ZNF415: variants seen among roughly 807,000 people sequenced by gnomAD.
ZNF415 encodes the protein zinc finger protein 415.
ZNF415 carries 5 observed loss-of-function variants against 7.3 expected under a neutral mutation model. The ratio of observed to expected loss-of-function variants is 0.69; its 90% CI spans 0.36 to 1.44. The LOEUF (loss-of-function observed/expected upper bound fraction) is 1.44, where lower values mean the gene tolerates loss of function less well. Ranked by LOEUF, ZNF415 falls within the 40% of genes most tolerant of loss-of-function variation. The pLI is 0.04. For missense variants in ZNF415, 628 were observed against 664.8 expected (o/e 0.94, Z 0.61); for synonymous variants, 207 against 226.3 (o/e 0.91, Z 0.77).
At chr19:53,120,700 C>A (rs1247037645) in intron 2 of ZNF415, among the ~76,000 whole-genome samples, 18 of 152,104 alleles carry the variant, frequency 1.2e-4, no homozygotes, top group Admixed American at 1.2e-3. Context: ...GATGTCTGAG[C>A]AAAACTGTTA....
chr19:53,111,273 A>C (rs1184570771), intron 3 of ZNF415, among the ~76,000 whole-genome samples: 2 of 149,176 alleles, frequency 1.3e-5, no homozygotes, highest in East Asian at 4.0e-4. Context: ...CTTAATTTTG[A>C]CTTCCCAGCT....
chr19:53,131,615 A>C, intron 1 of ZNF415, among the ~76,000 whole-genome samples: 1 of 147,900 alleles, frequency 6.8e-6, no homozygotes, highest in African/African-American at 2.5e-5. Flanking sequence ...CTTCCCCTTT[A>C]TTTTCTCCCT....
chr19:53,131,959 C>G (rs1228210346), intron 1 of ZNF415, among the ~76,000 whole-genome samples: 6 of 151,998 alleles, frequency 3.9e-5, no homozygotes. Context: ...GCCCTGTCTG[C>G]CCTGGCTCCA....
At chr19:53,130,788 G>A (rs2089966892) in intron 1 of ZNF415, among the ~76,000 whole-genome samples, 1 of 152,030 alleles carries the variant, frequency 6.6e-6, no homozygotes, top group African/African-American at 2.4e-5. Context: ...TGGGATTACA[G>A]ATGCGTGTCA....
At chr19:53,119,736 C>T (rs1283377675) in intron 2 of ZNF415, among the ~76,000 whole-genome samples, 1 of 151,638 alleles carries the variant, frequency 6.6e-6, no homozygotes, top group Admixed American at 6.6e-5. Flanking sequence ...CAACTGATAA[C>T]ACAGAAATAT....
intron 3 of ZNF415, among the ~76,000 whole-genome samples, chr19:53,111,574 C>T (rs997165548): frequency 6.6e-6 from 1 of 151,910 alleles, no homozygotes; most frequent in Non-Finnish European, 1.5e-5. Flanking sequence ...AACTTCTGAC[C>T]TCAGGTGATC....
chr19:53,117,595 G>GA (rs956451426), intron 2 of ZNF415, among the ~76,000 whole-genome samples: 12 of 150,686 alleles, frequency 8.0e-5, no homozygotes, highest in South Asian at 2.1e-4. Context: ...TGTGCTGAAA[G>GA]AAAAAAAAAC....
rs760605908 is a variant in ZNF415 at position 53,109,442 on chromosome 19, T to C, written c.603A>G (p.Ser201=). 1.2e-6 allele frequency: 2 copies of C among 1,614,104 alleles called. No individual in the cohort carries two copies. The highest frequency in any genetic ancestry group is 1.7e-6 in the Non-Finnish European group (2 of 1,179,958). Residue 201 remains serine (S), a synonymous_variant, in exon 4 of 4, where the codon TCA becomes TCG. Transcript: ENST00000243643. ...NKYGTDFICS[S]LLTQEQKSCI... is the part of the protein sequence containing the mutation. ...ATGATTTCTGTTCTTGTGTGAGTAA[T>C]GAAGAACAGATGAAATCAGTCCCAT...
chr19:53,118,859 A>T lies in ZNF415; in HGVS notation c.16-2426T>A, dbSNP rs147033154. ...ACTTGGAAAAAGTAGAAAAATTTCA[A>T]ATAAGCCAGGCACGGTGGCTCACTC... On this transcript the variant is annotated intron_variant, in intron 2 of 3. Transcript: ENST00000243643. Among the ~76,000 whole-genome samples, 250 of 152,318 alleles carry T rather than the reference A, an allele frequency of 1.6e-3. 1 individual carries two copies. Among genetic ancestry groups the T allele is most frequent in the Non-Finnish European group, 2.6e-3 (176 of 68,010 alleles).
At chr19:53,129,204 T>G (rs8108835) in intron 1 of ZNF415, among the ~76,000 whole-genome samples, 41,919 of 151,860 alleles carry the variant, frequency 0.28, 5,849 homozygotes, top group Non-Finnish European at 0.3. Context: ...ATGTGACTGG[T>G]GCAGAGGGAG....
At chr19:53,119,592 T>C (rs1460899669) in intron 2 of ZNF415, among the ~76,000 whole-genome samples, 2 of 149,210 alleles carry the variant, frequency 1.3e-5, no homozygotes, top group African/African-American at 2.5e-5. Flanking sequence ...AAATAAATAC[T>C]ACAAAAACAC....
rs2085660190 is a variant in ZNF415, at chr19:53,108,137, C to G, written c.*240G>C. 2.0e-6 allele frequency: 1 copy of G among 505,730 alleles called. No individual in the cohort carries two copies. Among genetic ancestry groups the G allele is most frequent in the Non-Finnish European group, 3.4e-6 (1 of 290,428 alleles). The allele number at this position is 505,730 out of a possible 1,614,324, so 31.3% of individuals were successfully genotyped here. A position where few individuals can be genotyped will look rare whatever the true frequency, so the allele number is the denominator to read the frequency against. On this transcript the variant is annotated 3_prime_UTR_variant, in exon 4 of 4. Transcript: ENST00000243643. ...AGACCTAAATGAAGCCTCTGCCACA[C>G]AGTTAGGTGTATATGATTTCTCTTT...
chr19:53,115,748 G>C lies in ZNF415; in HGVS notation c.136+565C>G, dbSNP rs774825705. 1.9e-6 allele frequency: 3 copies of C among 1,550,360 alleles called. No homozygotes were observed. The South Asian group carries it at 3.6e-5, about 18-fold the overall frequency. On this transcript the variant is annotated intron_variant, in intron 3 of 3. Transcript: ENST00000243643. Reference sequence around the variant, plus strand: ...CCATTCCCACCCTTTTGGTTTTCTTGCTACTCGTACTTGGCTTTCTATGGT... The same window carrying C: ...CCATTCCCACCCTTTTGGTTTTCTTCCTACTCGTACTTGGCTTTCTATGGT...
At chr19:53,119,602 CAAAGGATCAACAA>C (rs1294587881) in intron 2 of ZNF415, among the ~76,000 whole-genome samples, 6 of 150,488 alleles carry the variant, frequency 4.0e-5, no homozygotes, top group Admixed American at 4.0e-4. Flanking sequence ...TACAAAAACA[CAAAGGATCAACAA>C]AATGAAATGT....
At chr19:53,110,268 T>C (rs1194748995) in intron 3 of ZNF415, among the ~76,000 whole-genome samples, 1 of 152,174 alleles carries the variant, frequency 6.6e-6, no homozygotes, top group Admixed American at 6.6e-5. Flanking sequence ...ATATTACATT[T>C]TACCTAGCCA....
chr19:53,120,343 G>A (rs950890527), intron 2 of ZNF415, among the ~76,000 whole-genome samples: 2 of 151,974 alleles, frequency 1.3e-5, no homozygotes, highest in Admixed American at 6.6e-5. Flanking sequence ...ATACGAAAAC[G>A]TGTAAATATT....
chr19:53,131,850 T>C (rs1246800910), intron 1 of ZNF415, among the ~76,000 whole-genome samples: 1 of 151,990 alleles, frequency 6.6e-6, no homozygotes, highest in African/African-American at 2.4e-5. Context: ...TTGTCCCCAC[T>C]CTTTGGCACC....
At chr19:53,126,500 C>T (rs2089141017) in intron 1 of ZNF415, among the ~76,000 whole-genome samples, 1 of 140,508 alleles carries the variant, frequency 7.1e-6, no homozygotes, top group Non-Finnish European at 1.6e-5. Context: ...GTGGGGCAAA[C>T]TGACTGCAGA....
chr19:53,128,673 G>T (rs535206144), intron 1 of ZNF415, among the ~76,000 whole-genome samples: 1 of 116,256 alleles, frequency 8.6e-6, no homozygotes, highest in East Asian at 2.3e-4. Context: ...AGGACACAGG[G>T]TCTGCGGGGC....
Sources: gnomAD v4.1 joint callset for allele counts (sites outside exome capture counted in the v4.1 genomes callset) on GRCh38, gnomAD v4.1.1 for gene constraint, MANE v1.5 for transcripts, NCBI Gene and HGNC (gene_info 2026-07-23, HGNC 2026-07-21) for gene names.